The following IMMP1L variants were observed in gnomAD, a reference collection of about 807,000 sequenced individuals.
IMMP1L encodes the protein inner mitochondrial membrane peptidase subunit 1, also known as mitochondrial inner membrane protease subunit 1.
In IMMP1L, 24 loss-of-function variants were observed where a neutral mutation model predicts 21.8. The observed-to-expected ratio is 1.10, with a 90% CI of 0.80 to 1.55. IMMP1L has a LOEUF of 1.55. IMMP1L is among the 40% of genes most tolerant of loss of function. The pLI, the probability that IMMP1L is intolerant of heterozygous loss-of-function variation, is 0.00. For missense variants in IMMP1L, 195 were observed against 200.7 expected (o/e 0.97, Z 0.17); for synonymous variants, 46 against 62.8 (o/e 0.73, Z 1.26).
chr11:31,460,023 G>A (rs927117948), intron 3 of IMMP1L, among the ~76,000 whole-genome samples: 5 of 151,980 alleles, frequency 3.3e-5, no homozygotes, highest in South Asian at 2.1e-4. Flanking sequence ...TGGGCGCGGC[G>A]AGTATACACC....
chr11:31,432,778 C>CA (rs951387184), intron 5 of IMMP1L, among the ~76,000 whole-genome samples: 11 of 152,086 alleles, frequency 7.2e-5, no homozygotes, highest in Non-Finnish European at 1.6e-4. Flanking sequence ...TTGGGACATT[C>CA]AAACAATGTA....
Position 31,473,738 on chromosome 11 carries a change from A to AC in IMMP1L, c.-29-10434dup. 4.1e-6 allele frequency: 4 copies of AC among 985,010 alleles called. No individual in the cohort carries two copies. In the African/African-American group the frequency reaches 5.2e-5, roughly 13 times the overall value. The allele number at this position is 985,010 out of a possible 1,614,324, so 61.0% of individuals were successfully genotyped here. ...AGTAGACTTACAGTAATTTCAGAAT[A>AC]CCCAAAGTCACAAGAAGTTGTCCAC... On this transcript the variant is annotated intron_variant, in intron 1 of 5. Coordinates refer to ENST00000532287, the MANE Select transcript of IMMP1L (RefSeq NM_001304274.2).
intron 3 of IMMP1L, among the ~76,000 whole-genome samples, chr11:31,459,495 T>C (rs1954065948): frequency 6.6e-6 from 1 of 152,172 alleles, no homozygotes; most frequent in Admixed American, 6.5e-5. Context: ...AGAAAATATA[T>C]TAAATTATTA....
intron 1 of IMMP1L, among the ~76,000 whole-genome samples, chr11:31,464,133 T>C (rs1954252393): frequency 6.6e-6 from 1 of 152,042 alleles, no homozygotes; most frequent in South Asian, 2.1e-4. Context: ...AATATATCGA[T>C]AATAATATGT....
intron 1 of IMMP1L, among the ~76,000 whole-genome samples, chr11:31,495,213 C>G (rs540909640): frequency 6.6e-6 from 1 of 150,800 alleles, no homozygotes; most frequent in African/African-American, 2.5e-5. Context: ...AGCCATTCAA[C>G]AAGTCTCCAA....
At chr11:31,471,923 G>C (rs1037513403) in intron 1 of IMMP1L, among the ~76,000 whole-genome samples, 2 of 151,810 alleles carry the variant, frequency 1.3e-5, no homozygotes, top group African/African-American at 4.8e-5. Context: ...AAAGGCTTTA[G>C]GGGAGAATCC....
intron 4 of IMMP1L, among the ~76,000 whole-genome samples, chr11:31,434,106 C>T (rs1160664903): frequency 6.6e-6 from 1 of 152,036 alleles, no homozygotes; most frequent in Non-Finnish European, 1.5e-5. Flanking sequence ...AATTAACATC[C>T]CTGTTCTGCC....
intron 1 of IMMP1L, among the ~76,000 whole-genome samples, chr11:31,503,965 G>A (rs1955705157): frequency 6.6e-6 from 1 of 152,114 alleles, no homozygotes; most frequent in Non-Finnish European, 1.5e-5. Context: ...GTGATGATGC[G>A]ATATAGCAAG....
chr11:31,450,894 AATG>A (rs1953733158), intron 4 of IMMP1L, among the ~76,000 whole-genome samples: 1 of 152,184 alleles, frequency 6.6e-6, no homozygotes, highest in Non-Finnish European at 1.5e-5. Flanking sequence ...TCACAGTTGA[AATG>A]ATATGAAATC....
At chr11:31,478,028 G>A (rs746562836) in intron 1 of IMMP1L, among the ~76,000 whole-genome samples, 3 of 152,142 alleles carry the variant, frequency 2.0e-5, no homozygotes, top group Non-Finnish European at 2.9e-5. Context: ...CTACTTAGAA[G>A]AATAAGCTAA....
At chr11:31,498,455 T>C (rs1385447431) in intron 1 of IMMP1L, among the ~76,000 whole-genome samples, 3 of 152,208 alleles carry the variant, frequency 2.0e-5, no homozygotes, top group Non-Finnish European at 4.4e-5. Context: ...ACAAGTCTTA[T>C]GAAACTCAAA....
intron 1 of IMMP1L, among the ~76,000 whole-genome samples, chr11:31,492,124 T>C (rs1185148942): frequency 2.0e-5 from 3 of 152,250 alleles, no homozygotes; most frequent in Non-Finnish European, 2.9e-5. Context: ...TGAAAAGTCC[T>C]AGATAGCATC....
In IMMP1L at chr11:31,476,911, C is replaced by T. The variant is rs879175127; in HGVS notation, c.-29-13606G>A. The stretch of plus-strand genomic sequence containing the variant: ...AAAGCTAACAAAATCAATTAACTAA[C>T]TCACTGATTTTTAAGCACACAACTA... On this transcript the variant is annotated intron_variant, in intron 1 of 5. Transcript: ENST00000532287. Among the ~76,000 whole-genome samples the T allele has an allele frequency of 1.5e-4, 23 of 152,028 alleles. 1 individual carries two copies. Among genetic ancestry groups the T allele is most frequent in the Admixed American group, 1.4e-3 (21 of 15,270 alleles).
chr11:31,490,269 C>T (rs1023760823), intron 1 of IMMP1L, among the ~76,000 whole-genome samples: 1 of 152,022 alleles, frequency 6.6e-6, no homozygotes, highest in Admixed American at 6.6e-5. Context: ...GTCAAGAGAT[C>T]GAGACCATCC....
chr11:31,509,604 T>G lies in IMMP1L; in HGVS notation c.-115A>C. 1 of 655,914 alleles carries G rather than the reference T, an allele frequency of 1.5e-6. No homozygotes were observed. The highest frequency in any genetic ancestry group is 2.6e-6 in the Non-Finnish European group (1 of 386,600). 40.6% of individuals were successfully genotyped at this position (655,914 alleles called of 1,614,324 possible). A position where few individuals can be genotyped will look rare whatever the true frequency, so the allele number is the denominator to read the frequency against. Reference sequence around the variant, plus strand: ...GGGCCCCGCCGAAGTCGACCGTCCTTTCGTAGGGCGCACTTTTCAGCAATA... The same window carrying G: ...GGGCCCCGCCGAAGTCGACCGTCCTGTCGTAGGGCGCACTTTTCAGCAATA... On this transcript the variant is annotated 5_prime_UTR_variant, in exon 1 of 6. Coordinates refer to ENST00000532287, the MANE Select transcript of IMMP1L (RefSeq NM_001304274.2).
chr11:31,493,121 T>C (rs1217411624), intron 1 of IMMP1L, among the ~76,000 whole-genome samples: 2 of 152,126 alleles, frequency 1.3e-5, no homozygotes, highest in Non-Finnish European at 2.9e-5. Context: ...ACAAAAAATG[T>C]TAAGGGACCC....
rs534666117 is a variant in IMMP1L, at chr11:31,506,430, C to A, written c.-30+3089G>T. Among the ~76,000 whole-genome samples, 11 of 151,706 alleles carry A rather than the reference C, an allele frequency of 7.3e-5. No individual in the cohort carries two copies. The South Asian group carries it at 2.1e-3, about 29-fold the overall frequency. On this transcript the variant is annotated intron_variant, in intron 1 of 5. Transcript: ENST00000532287. ...ATTTTTTAGTAGAGACGGGGTTTCA[C>A]CATGTTAGCCAGGAAGGTCTCGATC... is the stretch of plus-strand genomic sequence containing the variant.
At chr11:31,482,738 C>T (rs997102682) in intron 1 of IMMP1L, among the ~76,000 whole-genome samples, 2 of 152,116 alleles carry the variant, frequency 1.3e-5, no homozygotes, top group Non-Finnish European at 2.9e-5. Context: ...AGAACTCTCT[C>T]GCATACTATA....
intron 1 of IMMP1L, among the ~76,000 whole-genome samples, chr11:31,489,518 G>C (rs1437981664): frequency 6.6e-6 from 1 of 152,158 alleles, no homozygotes; most frequent in African/African-American, 2.4e-5. Flanking sequence ...CTGAAGCTGA[G>C]AGAAACTCTG....
Sources: allele counts gnomAD v4.1 joint callset (sites outside exome capture counted in the v4.1 genomes callset), GRCh38; gene constraint gnomAD v4.1.1; transcripts MANE v1.5; gene names NCBI Gene and HGNC (gene_info 2026-07-23, HGNC 2026-07-21).